The following TYR variants were observed in gnomAD, a reference collection of about 807,000 sequenced individuals.
TYR encodes LB24-AB.
A neutral mutation model predicts 51.5 loss-of-function variants in TYR; 58 were observed. The ratio of observed to expected loss-of-function variants is 1.13; its 90% CI spans 0.91 to 1.40. TYR has a LOEUF of 1.40. Among genes scored for constraint, TYR ranks in the 40% most tolerant of loss-of-function variants. The pLI is 0.00. For missense variants in TYR, 732 were observed against 647.4 expected (o/e 1.13, Z -1.42); for synonymous variants, 263 against 235.2 (o/e 1.12, Z -1.08).
At chr11:89,258,419 T>A (rs1199181719) in intron 3 of TYR, among the ~76,000 whole-genome samples, 1 of 150,790 alleles carries the variant, frequency 6.6e-6, no homozygotes, top group African/African-American at 2.4e-5. Context: ...ATTACCTATA[T>A]GGCAACATCT....
intron 2 of TYR, among the ~76,000 whole-genome samples, chr11:89,202,652 G>C (rs12799768): frequency 0.42 from 33,706 of 80,290 alleles, 6,070 homozygotes; most frequent in African/African-American, 0.64. Context: ...CACACACACT[G>C]TATAGCTGGA....
chr11:89,200,940 G>T (rs1347114864), intron 2 of TYR, among the ~76,000 whole-genome samples: 3 of 151,972 alleles, frequency 2.0e-5, no homozygotes, highest in South Asian at 4.1e-4. Flanking sequence ...TTTTGTCCTT[G>T]CTACATTAAA....
At chr11:89,191,640 T>C (rs1246838552) in intron 2 of TYR, among the ~76,000 whole-genome samples, 1 of 152,070 alleles carries the variant, frequency 6.6e-6, no homozygotes, top group African/African-American at 2.4e-5. Context: ...ATGCCTGTAA[T>C]CCCAGTTTAC....
rs73531558 is a variant in TYR, at chr11:89,234,915, A to G, written c.1184+6945A>G. Among the ~76,000 whole-genome samples, 1,421 of 152,124 alleles carry G rather than the reference A, an allele frequency of 9.3e-3. 18 individuals are homozygous for G. Among genetic ancestry groups the G allele is most frequent in the African/African-American group, 0.033 (1,374 of 41,512 alleles). ...CACATGTTGGAAAAATGGGAGTAAC[A>G]CACTTGCCAAACACCAGGAGTAGAT... On this transcript the variant is annotated intron_variant, in intron 3 of 4. Transcript: ENST00000263321.
chr11:89,258,195 T>A (rs1944417278), intron 3 of TYR, among the ~76,000 whole-genome samples: 1 of 152,040 alleles, frequency 6.6e-6, no homozygotes, highest in East Asian at 1.9e-4. Flanking sequence ...TGAACACAGA[T>A]GAGAAACTTT....
chr11:89,263,862 A>AC (rs369189341), intron 3 of TYR, among the ~76,000 whole-genome samples: 35 of 151,572 alleles, frequency 2.3e-4, no homozygotes, highest in Non-Finnish European at 3.5e-4. Flanking sequence ...TAACAGGAAG[A>AC]CCCCCCCTTG....
rs770344763 is a variant in TYR at position 89,178,761 on chromosome 11, T to TC, written c.810dup (p.Ser271LeufsTer7). ...CTTACTCAGCCCAGCATCATTCTTC[T>TC]CCTCTTGGCAGGTAAGATATGCTAG... On this transcript the variant is annotated frameshift_variant, in exon 1 of 5. Coordinates refer to ENST00000263321, the MANE Select transcript of TYR (RefSeq NM_000372.5). LOFTEE classifies it high-confidence loss of function. 1 of 1,614,052 alleles carries TC rather than the reference T, an allele frequency of 6.2e-7. No individual in the cohort carries two copies. Among genetic ancestry groups the TC allele is most frequent in the Admixed American group, 1.7e-5 (1 of 60,010 alleles).
chr11:89,291,023 A>C (rs1176792535), intron 4 of TYR, among the ~76,000 whole-genome samples: 2 of 151,970 alleles, frequency 1.3e-5, no homozygotes, highest in Non-Finnish European at 2.9e-5. Flanking sequence ...ATTTACATAA[A>C]ATTTAAACAT....
intron 3 of TYR, among the ~76,000 whole-genome samples, chr11:89,250,291 A>C (rs1944315562): frequency 6.6e-6 from 1 of 151,932 alleles, no homozygotes; most frequent in African/African-American, 2.4e-5. Context: ...AATGAATATT[A>C]ATTATTTCCT....
At chr11:89,223,908 GT>G (rs66544506) in intron 2 of TYR, among the ~76,000 whole-genome samples, 31,615 of 143,004 alleles carry the variant, frequency 0.22, 3,590 homozygotes, top group African/African-American at 0.3. Context: ...TTCTTTAGCT[GT>G]TTTTTTTTTT....
chr11:89,206,993 T>C (rs918574291), intron 2 of TYR, among the ~76,000 whole-genome samples: 1 of 151,994 alleles, frequency 6.6e-6, no homozygotes, highest in Non-Finnish European at 1.5e-5. Context: ...GAGGGGGAAG[T>C]ATAGTACTAA....
intron 3 of TYR, among the ~76,000 whole-genome samples, chr11:89,249,640 A>T (rs533928904): frequency 1.3e-5 from 2 of 152,172 alleles, no homozygotes; most frequent in South Asian, 4.1e-4. Context: ...ACTGGAGCAG[A>T]TTCTAAACAA....
At chr11:89,287,719 T>A (rs1461165658) in intron 4 of TYR, among the ~76,000 whole-genome samples, 4 of 151,976 alleles carry the variant, frequency 2.6e-5, no homozygotes, top group Non-Finnish European at 5.9e-5. Flanking sequence ...AAGCAGGTTA[T>A]AATCAAATTT....
At chr11:89,228,249 C>T (rs1944001753) in intron 3 of TYR, among the ~76,000 whole-genome samples, 1 of 152,050 alleles carries the variant, frequency 6.6e-6, no homozygotes, top group African/African-American at 2.4e-5. Flanking sequence ...TCCAAGACTC[C>T]ACTAGATCCT....
At chr11:89,265,555 T>C (rs1043443011) in intron 3 of TYR, among the ~76,000 whole-genome samples, 6 of 152,220 alleles carry the variant, frequency 3.9e-5, no homozygotes, top group Admixed American at 3.9e-4. Context: ...ATGTTCACTA[T>C]CACAAGTCCA....
intron 2 of TYR, among the ~76,000 whole-genome samples, chr11:89,204,145 G>A (rs1591152138): frequency 6.6e-6 from 1 of 152,160 alleles, no homozygotes; most frequent in East Asian, 1.9e-4. Flanking sequence ...TGTCAGAGGA[G>A]GCCTACTGGA....
At chr11:89,276,504 CT>C (rs36124916) in intron 3 of TYR, among the ~76,000 whole-genome samples, 16 of 150,764 alleles carry the variant, frequency 1.1e-4, no homozygotes, top group African/African-American at 2.9e-4. Flanking sequence ...CTCTCTCTGC[CT>C]TTTTTTTTAA....
At position 89,200,837 on chromosome 11, in the gene TYR, G is replaced by C. The variant is rs192127015; in HGVS notation, c.1036+9419G>C. 1.5e-3 allele frequency among the ~76,000 whole-genome samples: 222 copies of C among 152,168 alleles called. 2 individuals are homozygous for C. The highest frequency in any genetic ancestry group is 5.2e-3 in the African/African-American group (216 of 41,538). On this transcript the variant is annotated intron_variant, in intron 2 of 4. Transcript: ENST00000263321. The stretch of plus-strand genomic sequence containing the variant: ...TTTTTAAAAACATTTTCAGATAATT[G>C]TAGATCCTTTCTTTTTGATACTAAA...
At chr11:89,208,688 T>C (rs1227326198) in intron 2 of TYR, among the ~76,000 whole-genome samples, 1 of 152,196 alleles carries the variant, frequency 6.6e-6, no homozygotes, top group Admixed American at 6.5e-5. Flanking sequence ...AAAATATGCA[T>C]CATAATTTTA....
Sources: gnomAD v4.1 joint callset for allele counts (sites outside exome capture counted in the v4.1 genomes callset) on GRCh38, gnomAD v4.1.1 for gene constraint, MANE v1.5 for transcripts, NCBI Gene and HGNC (gene_info 2026-07-23, HGNC 2026-07-21) for gene names.